TMPRSS11F: variants seen among roughly 807,000 people sequenced by gnomAD.
TMPRSS11F encodes transmembrane serine protease 11F, also known as transmembrane protease serine 11F.
In TMPRSS11F, 47 loss-of-function variants were observed where a neutral mutation model predicts 60.2. That is an observed-to-expected ratio of 0.78 (90% CI 0.62 to 1.00). The LOEUF (loss-of-function observed/expected upper bound fraction) is 1.00. TMPRSS11F is among the 50% of genes least tolerant of loss of function. The probability of loss-of-function intolerance (pLI) is 0.00; values close to 1 mark genes in which losing one functional copy is unlikely to be tolerated. For synonymous variants in TMPRSS11F, 166 were observed against 167.3 expected (o/e 0.99, Z 0.06); for missense variants, 519 against 522.9 (o/e 0.99, Z 0.07).
intron 1 of TMPRSS11F, among the ~76,000 whole-genome samples, chr4:68,110,390 G>A (rs1440838869): frequency 6.6e-6 from 1 of 152,122 alleles, no homozygotes; most frequent in Non-Finnish European, 1.5e-5. Flanking sequence ...TTTAGCCATG[G>A]ATATGTGGCA....
chr4:68,070,527 G>T (rs1298028122), intron 5 of TMPRSS11F, among the ~76,000 whole-genome samples: 1 of 152,192 alleles, frequency 6.6e-6, no homozygotes, highest in East Asian at 1.9e-4. Flanking sequence ...TGATAACCTT[G>T]TCTCCCTGAG....
chr4:68,056,712 A>G (rs1390579344), intron 9 of TMPRSS11F, among the ~76,000 whole-genome samples: 1 of 152,070 alleles, frequency 6.6e-6, no homozygotes, highest in South Asian at 2.1e-4. Flanking sequence ...GAAGCAAAAA[A>G]AAACCTTGAA....
intron 3 of TMPRSS11F, among the ~76,000 whole-genome samples, chr4:68,074,225 T>G (rs974031575): frequency 3.9e-5 from 6 of 152,222 alleles, no homozygotes; most frequent in African/African-American, 1.4e-4. Context: ...GTCTAATCTT[T>G]GTGGAACCAA....
rs560085424 is a variant in TMPRSS11F at position 68,072,383 on chromosome 4, G to A, written c.454C>T (p.Gln152Ter). 1 of 1,603,708 alleles carries A rather than the reference G, an allele frequency of 6.2e-7. No homozygotes were observed. The highest frequency in any genetic ancestry group is 1.1e-5 in the South Asian group (1 of 89,582). Reference protein sequence around the residue: ...IKKKIEKALYQSLKTKQLSLT... With the variant: ...IKKKIEKALY ...GACAATTGTTTGGTCTTCAAACTTT[G>A]ATATAAAGCCTTTTCAATTTTTTTC... The change falls in exon 5 of 10, where the codon CAA becomes TAA. Residue 152 changes from glutamine to a stop codon, truncating the protein, a stop_gained. Transcript: ENST00000356291. LOFTEE classifies it high-confidence loss of function.
intron 2 of TMPRSS11F, among the ~76,000 whole-genome samples, chr4:68,090,896 A>AT (rs568862383): frequency 1.3e-5 from 2 of 152,200 alleles, no homozygotes; most frequent in Non-Finnish European, 2.9e-5. Context: ...TATTCATAAA[A>AT]TTGGACATGC....
At chr4:68,126,914 A>G (rs1354664441) in intron 1 of TMPRSS11F, among the ~76,000 whole-genome samples, 1 of 152,172 alleles carries the variant, frequency 6.6e-6, no homozygotes, top group Non-Finnish European at 1.5e-5. Context: ...TGTCAGGAGG[A>G]ACATCCATTG....
intron 2 of TMPRSS11F, among the ~76,000 whole-genome samples, chr4:68,091,601 A>C (rs1723931763): frequency 6.6e-6 from 1 of 152,080 alleles, no homozygotes; most frequent in Non-Finnish European, 1.5e-5. Flanking sequence ...TATTTACTTA[A>C]ACCTGCTCCA....
chr4:68,058,165 G>T (rs1366515962), intron 9 of TMPRSS11F, among the ~76,000 whole-genome samples: 2 of 151,964 alleles, frequency 1.3e-5, no homozygotes, highest in Non-Finnish European at 2.9e-5. Flanking sequence ...TGCAAAGCAG[G>T]GTGACTATAA....
At position 68,121,394 on chromosome 4, in the gene TMPRSS11F, T is replaced by A. The variant is rs540154872; in HGVS notation, c.11+8416A>T. ...CCAGTACACTCTCTTCTGAAAAATA[T>A]GTTATATTACTTGTAGATGTTGAAT... On this transcript the variant is annotated intron_variant, in intron 1 of 9. Coordinates refer to ENST00000356291, the MANE Select transcript of TMPRSS11F (RefSeq NM_207407.2). Among the ~76,000 whole-genome samples the A allele has an allele frequency of 2.4e-4, 36 of 152,322 alleles. 2 individuals carry two copies. The South Asian group carries it at 7.5e-3, about 32-fold the overall frequency.
At chr4:68,064,189 C>CTTTTTTTTT (rs571554504) in intron 8 of TMPRSS11F, among the ~76,000 whole-genome samples, 1 of 119,800 alleles carries the variant, frequency 8.3e-6, no homozygotes, top group Non-Finnish European at 1.8e-5. Context: ...TCTTTTTTTT[C>CTTTTTTTTT]TTTTTTTTTT....
chr4:68,063,051 T>C, intron 8 of TMPRSS11F: 1 of 660,096 alleles, frequency 1.5e-6, no homozygotes, highest in South Asian at 1.4e-5. Context: ...ACACATTTTA[T>C]CTTGTGAATT....
At chr4:68,117,576 C>A (rs183130285) in intron 1 of TMPRSS11F, among the ~76,000 whole-genome samples, 1 of 151,624 alleles carries the variant, frequency 6.6e-6, no homozygotes, top group East Asian at 1.9e-4. Flanking sequence ...GAACAACATT[C>A]CTAATTATCA....
In TMPRSS11F at chr4:68,060,898, T is replaced by A. The variant is rs112810199; in HGVS notation, c.1016-1430A>T. On this transcript the variant is annotated intron_variant, in intron 8 of 9. Coordinates refer to ENST00000356291, the MANE Select transcript of TMPRSS11F (RefSeq NM_207407.2). ...ACATCTATGCATTGTTTTGTTATTA[T>A]GGTAATAACAAGTTCTAGTTTATAA... Among the ~76,000 whole-genome samples the A allele has an allele frequency of 5.1e-3, 774 of 152,160 alleles. 9 individuals carry two copies. Among genetic ancestry groups the A allele is most frequent in the African/African-American group, 0.018 (750 of 41,552 alleles).
chr4:68,082,117 A>G (rs1338670561), intron 3 of TMPRSS11F, among the ~76,000 whole-genome samples: 7 of 152,174 alleles, frequency 4.6e-5, no homozygotes, highest in Admixed American at 4.6e-4. Flanking sequence ...AAGATGAGGA[A>G]GCTGGCAACC....
At chr4:68,090,944 G>A (rs1723917378) in intron 2 of TMPRSS11F, among the ~76,000 whole-genome samples, 1 of 152,158 alleles carries the variant, frequency 6.6e-6, no homozygotes, top group South Asian at 2.1e-4. Flanking sequence ...AGCAATTGCT[G>A]AAAGTCATGT....
chr4:68,109,106 T>C (rs1028410150), intron 1 of TMPRSS11F, among the ~76,000 whole-genome samples: 4 of 152,192 alleles, frequency 2.6e-5, no homozygotes, highest in Admixed American at 6.5e-5. Context: ...TCTCCTACAC[T>C]AACTATATTT....
chr4:68,126,014 A>C (rs1037748587), intron 1 of TMPRSS11F, among the ~76,000 whole-genome samples: 2 of 152,200 alleles, frequency 1.3e-5, no homozygotes, highest in African/African-American at 4.8e-5. Context: ...TGAATTAGCA[A>C]CATTTTTTGG....
Position 68,056,984 on chromosome 4 carries a change from T to C in TMPRSS11F, c.1158+2342A>G, listed in dbSNP as rs146585652. Among the ~76,000 whole-genome samples, 255 of 152,284 alleles carry C rather than the reference T, an allele frequency of 1.7e-3. 2 individuals are homozygous for C. Among genetic ancestry groups the C allele is most frequent in the African/African-American group, 6.0e-3 (249 of 41,568 alleles). ...TGGTGCTGGGAAAATTGGTTATCTA[T>C]ATCAGAAGGATAAAATTAGGCTGGG... On this transcript the variant is annotated intron_variant, in intron 9 of 9. Transcript: ENST00000356291.
chr4:68,072,223 A>AG (rs61652810), intron 5 of TMPRSS11F, 100 bp downstream of exon 5: 1 of 62,114 alleles, frequency 1.6e-5, no homozygotes, highest in South Asian at 6.1e-4. Flanking sequence ...ATATCTTCCA[A>AG]AAAAAAAATA....
Sources: gnomAD v4.1 joint callset for allele counts (sites outside exome capture counted in the v4.1 genomes callset) on GRCh38, gnomAD v4.1.1 for gene constraint, MANE v1.5 for transcripts, NCBI Gene and HGNC (gene_info 2026-07-23, HGNC 2026-07-21) for gene names.